GRID2: variants seen among roughly 807,000 people sequenced by gnomAD.
The protein encoded by GRID2 is glutamate receptor ionotropic, delta-2.
Under a neutral mutation model 114.8 loss-of-function variants are expected in GRID2, and 33 were observed. That is an observed-to-expected ratio of 0.29 (90% confidence interval 0.22 to 0.38). GRID2 has a LOEUF of 0.38. Among genes scored for constraint, GRID2 ranks in the 10% least tolerant of loss-of-function variants. GRID2 has a pLI of 1.00. For missense variants in GRID2, 1,184 were observed against 1,257.7 expected, an observed-to-expected ratio of 0.94 and a Z score of 0.89; for synonymous variants, 505 against 449.9, an observed-to-expected ratio of 1.12 and a Z score of -1.55.
chr4:93,106,357 A>AT (rs951192596), intron 3 of GRID2, among the ~76,000 whole-genome samples: 9 of 151,860 alleles, frequency 5.9e-5, no homozygotes, highest in African/African-American at 2.2e-4. Context: ...TTTATTTTTT[A>AT]TTTTTTTGAC....
At chr4:93,705,405 A>G (rs1273418709) in intron 14 of GRID2, among the ~76,000 whole-genome samples, 1 of 150,666 alleles carries the variant, frequency 6.6e-6, no homozygotes, top group African/African-American at 2.4e-5. Context: ...ATGTCAGCTC[A>G]CTGCAACTTC....
chr4:92,313,708 G>A (rs1281808531), intron 1 of GRID2, among the ~76,000 whole-genome samples: 1 of 152,054 alleles, frequency 6.6e-6, no homozygotes, highest in Non-Finnish European at 1.5e-5. Context: ...TCTAGAAGGA[G>A]AAGTGAGAAA....
intron 1 of GRID2, among the ~76,000 whole-genome samples, chr4:92,567,936 A>G (rs951114544): frequency 3.3e-5 from 5 of 152,050 alleles, no homozygotes; most frequent in Non-Finnish European, 1.5e-5. Flanking sequence ...AGAAGGAAAT[A>G]ATAAACAAGA....
chr4:93,766,600 T>C (rs1489524671), intron 14 of GRID2, among the ~76,000 whole-genome samples: 1 of 152,184 alleles, frequency 6.6e-6, no homozygotes, highest in Non-Finnish European at 1.5e-5. Context: ...AGGATCTCAT[T>C]TTGTGCCCAG....
chr4:92,596,211 G>A (rs942691406), intron 2 of GRID2, among the ~76,000 whole-genome samples: 5 of 149,618 alleles, frequency 3.3e-5, no homozygotes, highest in South Asian at 2.2e-4. Context: ...AGATCATGTG[G>A]GTATGATTCT....
At chr4:93,709,920 A>G (rs1728338339) in intron 14 of GRID2, among the ~76,000 whole-genome samples, 2 of 152,082 alleles carry the variant, frequency 1.3e-5, no homozygotes, top group Non-Finnish European at 2.9e-5. Flanking sequence ...ATTTTTGTTA[A>G]TTATTTTAAT....
intron 1 of GRID2, among the ~76,000 whole-genome samples, chr4:92,443,008 G>A (rs1264686430): frequency 8.0e-5 from 12 of 149,748 alleles, no homozygotes; most frequent in South Asian, 2.1e-4. Context: ...TCGGCCTGGC[G>A]AGGAGCAGCC....
rs1341421936 is a variant in GRID2 at position 93,748,868 on chromosome 4, TG to T, written c.2361-20341del. On this transcript the variant is annotated intron_variant, in intron 14 of 15. Coordinates refer to ENST00000282020, the MANE Select transcript of GRID2 (RefSeq NM_001510.4). ...AAGCCCAAAGAAAAACATAGATCATTGTGACAAATGCATTGTATCTTTATAA... is the reference window on the plus strand; with the variant it reads ...AAGCCCAAAGAAAAACATAGATCATTTGACAAATGCATTGTATCTTTATAA... 5.3e-5 allele frequency among the ~76,000 whole-genome samples: 8 copies of T among 152,270 alleles called. No individual in the cohort carries two copies. The East Asian group carries it at 1.5e-3, about 29-fold the overall frequency.
At chr4:93,651,383 G>C (rs530568388) in intron 14 of GRID2, among the ~76,000 whole-genome samples, 132 of 152,170 alleles carry the variant, frequency 8.7e-4, no homozygotes, top group Non-Finnish European at 1.6e-3. Flanking sequence ...AGCTCCAAAA[G>C]GATGTGGTCA....
intron 2 of GRID2, among the ~76,000 whole-genome samples, chr4:92,781,171 G>C (rs1477102375): frequency 6.6e-6 from 1 of 151,880 alleles, no homozygotes. Context: ...GCTTGAACCT[G>C]GGAGGCAGAG....
At chr4:92,476,628 A>T (rs1423957947) in intron 1 of GRID2, among the ~76,000 whole-genome samples, 1 of 152,198 alleles carries the variant, frequency 6.6e-6, no homozygotes, top group East Asian at 1.9e-4. Context: ...ACCAGTAGCA[A>T]ATGAAAACAT....
intron 1 of GRID2, among the ~76,000 whole-genome samples, chr4:92,563,085 GC>G (rs1727172429): frequency 6.6e-6 from 1 of 152,102 alleles, no homozygotes; most frequent in African/African-American, 2.4e-5. Flanking sequence ...AGTGGCAGTG[GC>G]CTTTGTGGAG....
chr4:93,248,531 C>G (rs1326459718), intron 8 of GRID2, among the ~76,000 whole-genome samples: 2 of 152,088 alleles, frequency 1.3e-5, no homozygotes, highest in Middle Eastern at 3.2e-3. Flanking sequence ...CTCAAATTTT[C>G]TGCTTTCTCT....
At chr4:93,236,248 G>A (rs371111257) in intron 7 of GRID2, among the ~76,000 whole-genome samples, 1 of 151,884 alleles carries the variant, frequency 6.6e-6, no homozygotes, top group Non-Finnish European at 1.5e-5. Context: ...AGCACATACC[G>A]GAATAGATTG....
chr4:93,324,568 A>T (rs1579680729), intron 8 of GRID2, among the ~76,000 whole-genome samples: 2 of 151,980 alleles, frequency 1.3e-5, no homozygotes, highest in Non-Finnish European at 2.9e-5. Context: ...GTTAGGGAGG[A>T]TTCCCTCTTT....
chr4:93,795,928 C>G (rs956831138), intron 1 of GRID2, among the ~76,000 whole-genome samples: 6 of 152,208 alleles, frequency 3.9e-5, no homozygotes, highest in Non-Finnish European at 8.8e-5. Flanking sequence ...CAGCAACCCA[C>G]AAGGCTTAAG....
At chr4:92,968,480 T>A (rs1753295612) in intron 2 of GRID2, among the ~76,000 whole-genome samples, 1 of 151,890 alleles carries the variant, frequency 6.6e-6, no homozygotes, top group South Asian at 2.1e-4. Context: ...CACCTCTTTT[T>A]AAAATATAAA....
chr4:93,380,678 A>G (rs1763767724), intron 8 of GRID2, among the ~76,000 whole-genome samples: 1 of 152,078 alleles, frequency 6.6e-6, no homozygotes, highest in African/African-American at 2.4e-5. Flanking sequence ...ACAACTTCTT[A>G]CTAATAGAAG....
At chr4:93,028,198 G>C (rs556479956) in intron 2 of GRID2, among the ~76,000 whole-genome samples, 5 of 152,166 alleles carry the variant, frequency 3.3e-5, no homozygotes, top group Non-Finnish European at 7.3e-5. Context: ...CAATGAGGAA[G>C]ACAGGATACA....
Sources: gnomAD v4.1 joint callset for allele counts (sites outside exome capture counted in the v4.1 genomes callset) on GRCh38, gnomAD v4.1.1 for gene constraint, MANE v1.5 for transcripts, NCBI Gene and HGNC (gene_info 2026-07-23, HGNC 2026-07-21) for gene names.